The following WWOX variants were observed in gnomAD, a reference collection of about 807,000 sequenced individuals.
WWOX encodes the protein WW domain containing oxidoreductase.
A neutral mutation model predicts 46.2 loss-of-function variants in WWOX; 69 were observed. That is an observed-to-expected ratio of 1.49 (90% CI 1.23 to 1.82). WWOX has a LOEUF of 1.82. Among genes scored for constraint, WWOX ranks in the 40% most tolerant of loss-of-function variants. The pLI, the probability that WWOX is intolerant of heterozygous loss-of-function variation, is 0.00. For missense variants in WWOX, 919 were observed against 542.6 expected (o/e 1.69, Z -6.89); for synonymous variants, 359 against 202.6 (o/e 1.77, Z -6.56).
intron 8 of WWOX, among the ~76,000 whole-genome samples, chr16:78,962,590 C>T (rs1237160478): frequency 1.3e-5 from 2 of 152,106 alleles, no homozygotes; most frequent in Admixed American, 6.6e-5. Context: ...GAAAGAATGC[C>T]TGGCACAGGA....
intron 8 of WWOX, among the ~76,000 whole-genome samples, chr16:79,190,596 T>C (rs1241074185): frequency 6.6e-6 from 1 of 151,096 alleles, no homozygotes; most frequent in Non-Finnish European, 1.5e-5. Context: ...CAAGTCCATT[T>C]TGTCAAGGGA....
intron 8 of WWOX, among the ~76,000 whole-genome samples, chr16:79,138,856 A>T (rs2050033635): frequency 6.6e-6 from 1 of 152,176 alleles, no homozygotes; most frequent in African/African-American, 2.4e-5. Flanking sequence ...TTGTCCATAG[A>T]TGCCTTAAAG....
chr16:79,008,293 C>G (rs2047229973), intron 8 of WWOX, among the ~76,000 whole-genome samples: 1 of 152,178 alleles, frequency 6.6e-6, no homozygotes, highest in Non-Finnish European at 1.5e-5. Flanking sequence ...CTGAGTCACT[C>G]TCTTCAGTGA....
In WWOX at chr16:78,309,232, C is replaced by T. The variant is rs867934627; in HGVS notation, c.517-77628C>T. ...ATATACTCCCGATAGTGAGTTCTCA[C>T]GTGATCCGATGGTTATAAATAAGTG... is the stretch of plus-strand genomic sequence containing the variant. On this transcript the variant is annotated intron_variant, in intron 5 of 8. Coordinates refer to ENST00000566780, the MANE Select transcript of WWOX (RefSeq NM_016373.4). Among the ~76,000 whole-genome samples the T allele has an allele frequency of 5.3e-4, 80 of 152,314 alleles. 1 individual carries two copies. The highest frequency in any genetic ancestry group is 7.7e-4 in the East Asian group (4 of 5,178).
intron 8 of WWOX, among the ~76,000 whole-genome samples, chr16:78,774,356 G>A (rs926346140): frequency 3.9e-5 from 6 of 152,162 alleles, no homozygotes; most frequent in Non-Finnish European, 7.3e-5. Flanking sequence ...AGCCGAGATC[G>A]CGCCACTGCA....
intron 5 of WWOX, among the ~76,000 whole-genome samples, chr16:78,216,331 T>G (rs1335468035): frequency 6.6e-6 from 1 of 152,222 alleles, no homozygotes; most frequent in Non-Finnish European, 1.5e-5. Context: ...AGTGGACTGA[T>G]GGATGCGTTA....
chr16:78,831,928 T>A (rs1259338682), intron 8 of WWOX, among the ~76,000 whole-genome samples: 1 of 152,176 alleles, frequency 6.6e-6, no homozygotes, highest in Non-Finnish European at 1.5e-5. Flanking sequence ...CCTTCCTCTT[T>A]CCTCACTTTT....
At chr16:78,145,639 C>G (rs1054340776) in intron 4 of WWOX, among the ~76,000 whole-genome samples, 7 of 152,154 alleles carry the variant, frequency 4.6e-5, no homozygotes, top group Non-Finnish European at 7.4e-5. Context: ...AACACCCGCA[C>G]AGACACACCC....
At chr16:78,696,550 G>C (rs1004819682) in intron 8 of WWOX, among the ~76,000 whole-genome samples, 1 of 152,174 alleles carries the variant, frequency 6.6e-6, no homozygotes, top group African/African-American at 2.4e-5. Flanking sequence ...GCGAGCTGCA[G>C]CTCCCAGTGA....
intron 6 of WWOX, among the ~76,000 whole-genome samples, chr16:78,422,843 AT>A: frequency 1.3e-5 from 1 of 78,032 alleles, no homozygotes; most frequent in African/African-American, 5.3e-5. Context: ...ATATATACAT[AT>A]ACACACACAC....
At chr16:78,560,625 C>G (rs1229787949) in intron 8 of WWOX, among the ~76,000 whole-genome samples, 2 of 152,012 alleles carry the variant, frequency 1.3e-5, no homozygotes, top group Non-Finnish European at 2.9e-5. Context: ...GTCTAGGCAA[C>G]AAGAGTGAAA....
chr16:78,125,413 G>A (rs937170209), intron 4 of WWOX, among the ~76,000 whole-genome samples: 1 of 152,124 alleles, frequency 6.6e-6, no homozygotes, highest in African/African-American at 2.4e-5. Flanking sequence ...TTTCTAAGCA[G>A]CTCATTCATT....
At chr16:78,887,082 GTGTGTGTGTGTGTGTGT>G (rs2044477306) in intron 8 of WWOX, among the ~76,000 whole-genome samples, 3 of 12,862 alleles carry the variant, frequency 2.3e-4, no homozygotes, top group African/African-American at 3.5e-4. Flanking sequence ...TGTGTGGTGT[GTGTGTGTGTGTGTGTGT>G]GTGTGTGTGT....
At chr16:78,333,042 A>ATTTTTTTTTTTTTTTT (rs1441535183) in intron 5 of WWOX, among the ~76,000 whole-genome samples, 3 of 62,174 alleles carry the variant, frequency 4.8e-5, no homozygotes, top group Admixed American at 1.9e-4. Context: ...AGAGCATTAT[A>ATTTTTTTTTTTTTTTT]CTTTTTTTTT....
At chr16:78,266,726 A>G (rs539483953) in intron 5 of WWOX, among the ~76,000 whole-genome samples, 5 of 151,628 alleles carry the variant, frequency 3.3e-5, no homozygotes, top group African/African-American at 1.2e-4. Context: ...AGCTAAACTC[A>G]TCGCTTCCAA....
intron 7 of WWOX, among the ~76,000 whole-genome samples, chr16:78,431,185 T>C (rs1359102506): frequency 6.6e-6 from 1 of 152,236 alleles, no homozygotes; most frequent in African/African-American, 2.4e-5. Context: ...GTTTAACGAC[T>C]CCGTCAGACC....
intron 8 of WWOX, among the ~76,000 whole-genome samples, chr16:78,771,211 C>T (rs1451129950): frequency 1.3e-5 from 2 of 152,218 alleles, no homozygotes; most frequent in African/African-American, 2.4e-5. Context: ...AACTGACTTA[C>T]TCTTTGAAAA....
intron 5 of WWOX, among the ~76,000 whole-genome samples, chr16:78,336,712 T>C (rs1032730787): frequency 6.6e-6 from 1 of 152,124 alleles, no homozygotes; most frequent in Non-Finnish European, 1.5e-5. Flanking sequence ...CTAATTTTTT[T>C]AAAAATTAGA....
At chr16:78,107,967 T>C (rs2032255666) in intron 1 of WWOX, among the ~76,000 whole-genome samples, 1 of 152,016 alleles carries the variant, frequency 6.6e-6, no homozygotes, top group African/African-American at 2.4e-5. Context: ...TCTTGCTCTG[T>C]CGCCAGGCTG....
Sources: gnomAD v4.1 joint callset for allele counts (sites outside exome capture counted in the v4.1 genomes callset) on GRCh38, gnomAD v4.1.1 for gene constraint, MANE v1.5 for transcripts, NCBI Gene and HGNC (gene_info 2026-07-23, HGNC 2026-07-21) for gene names.